The following MTUS2 variants were observed in gnomAD, a reference collection of about 807,000 sequenced individuals.
MTUS2 encodes the protein microtubule-associated tumor suppressor candidate 2.
In MTUS2, 40 loss-of-function variants were observed where a neutral mutation model predicts 114.1. That is an observed-to-expected ratio of 0.35 (90% CI 0.27 to 0.46). The LOEUF is 0.46. Among genes scored for constraint, MTUS2 ranks in the 20% least tolerant of loss-of-function variants. MTUS2 has a pLI of 1.00. For missense variants in MTUS2, 1,679 were observed against 1,705.4 expected (o/e 0.98, Z 0.27); for synonymous variants, 688 against 672.0 (o/e 1.02, Z -0.37).
chr13:28,937,617 A>T (rs1881979389), intron 2 of MTUS2, among the ~76,000 whole-genome samples: 1 of 152,108 alleles, frequency 6.6e-6, no homozygotes, highest in African/African-American at 2.4e-5. Flanking sequence ...ACAGTTTCAC[A>T]CCGCCTGATG....
chr13:28,935,613 G>A (rs1881862382), intron 2 of MTUS2, among the ~76,000 whole-genome samples: 1 of 152,146 alleles, frequency 6.6e-6, no homozygotes, highest in South Asian at 2.1e-4. Flanking sequence ...GGGATTATAT[G>A]CTGCTCCTGG....
chr13:29,200,521 G>GTTTTTTTT (rs56965083), intron 5 of MTUS2, among the ~76,000 whole-genome samples: 21,261 of 84,314 alleles, frequency 0.25, 4,789 homozygotes, highest in Non-Finnish European at 0.33. Context: ...TTCTTTTTCT[G>GTTTTTTTT]TTTTTTTTTT....
At chr13:29,388,376 G>C (rs1231907502) in intron 8 of MTUS2, among the ~76,000 whole-genome samples, 1 of 151,430 alleles carries the variant, frequency 6.6e-6, no homozygotes, top group Non-Finnish European at 1.5e-5. Context: ...ATCGAATGTA[G>C]CAACTTGAGT....
At chr13:29,361,541 A>C (rs1870253389) in intron 8 of MTUS2, among the ~76,000 whole-genome samples, 1 of 152,180 alleles carries the variant, frequency 6.6e-6, no homozygotes, top group Admixed American at 6.5e-5. Flanking sequence ...ATGTAGTTTA[A>C]GGTGATGGAT....
At chr13:28,822,950 A>G (rs1874009728) in intron 1 of MTUS2, among the ~76,000 whole-genome samples, 1 of 152,262 alleles carries the variant, frequency 6.6e-6, no homozygotes, top group African/African-American at 2.4e-5. Context: ...AATCAGGCAC[A>G]TACCTGGAGA....
At chr13:29,131,430 CT>C (rs1391104879) in intron 5 of MTUS2, among the ~76,000 whole-genome samples, 1 of 152,248 alleles carries the variant, frequency 6.6e-6, no homozygotes, top group Non-Finnish European at 1.5e-5. Context: ...GATGTTACCC[CT>C]GAGACAGCAG....
intron 10 of MTUS2, among the ~76,000 whole-genome samples, chr13:29,486,236 C>T (rs957335733): frequency 4.6e-5 from 7 of 152,154 alleles, no homozygotes; most frequent in Admixed American, 1.3e-4. Flanking sequence ...TCTCACACTG[C>T]GATGCAGCTT....
chr13:29,122,605 G>C (rs1450593768), intron 5 of MTUS2, among the ~76,000 whole-genome samples: 1 of 152,190 alleles, frequency 6.6e-6, no homozygotes, highest in African/African-American at 2.4e-5. Context: ...TGAGATTTGA[G>C]TGGGGATACA....
intron 5 of MTUS2, among the ~76,000 whole-genome samples, chr13:29,255,236 G>C (rs941451936): frequency 6.6e-6 from 1 of 152,138 alleles, no homozygotes; most frequent in African/African-American, 2.4e-5. Context: ...GAGACGGAAG[G>C]GTTCAGATAG....
intron 5 of MTUS2, among the ~76,000 whole-genome samples, chr13:29,151,966 T>C (rs1892678981): frequency 1.3e-5 from 2 of 152,190 alleles, no homozygotes; most frequent in South Asian, 4.1e-4. Flanking sequence ...GCATCTATGT[T>C]CATTGGATAT....
chr13:29,492,160 G>GT (rs1318669898), intron 11 of MTUS2, among the ~76,000 whole-genome samples: 1 of 2,424 alleles, frequency 4.1e-4, no homozygotes, highest in South Asian at 0.014. Flanking sequence ...ATGTGTGTGT[G>GT]GTGTGTATGT....
chr13:29,072,520 A>T (rs370976123), intron 4 of MTUS2, among the ~76,000 whole-genome samples: 8 of 152,244 alleles, frequency 5.3e-5, no homozygotes, highest in African/African-American at 1.7e-4. Context: ...AGGGCACTCC[A>T]TAGAAAAGAC....
In MTUS2 at chr13:28,833,273, G is replaced by A. The variant is rs77165315; in HGVS notation, c.-315-6505G>A. Among the ~76,000 whole-genome samples the A allele has an allele frequency of 6.7e-3, 1,017 of 152,136 alleles. 13 individuals are homozygous for A. The highest frequency in any genetic ancestry group is 0.066 in the East Asian group (345 of 5,190). On this transcript the variant is annotated intron_variant, in intron 1 of 15. Coordinates refer to ENST00000612955, the MANE Select transcript of MTUS2 (RefSeq NM_001033602.4). ...CCAAAGACATCACAAGAAAAGTATC[G>A]CTGTTATTCTGTATGAATACAGATA...
chr13:28,966,115 A>T (rs948125203), intron 2 of MTUS2, among the ~76,000 whole-genome samples: 1 of 152,242 alleles, frequency 6.6e-6, no homozygotes, highest in Non-Finnish European at 1.5e-5. Flanking sequence ...ATAATAGTGA[A>T]ATAAAGTAAT....
chr13:29,002,451 G>A (rs142922150), intron 2 of MTUS2, among the ~76,000 whole-genome samples: 1 of 152,210 alleles, frequency 6.6e-6, no homozygotes, highest in African/African-American at 2.4e-5. Flanking sequence ...AATTTATACA[G>A]AATTTGATTA....
At chr13:29,137,356 C>G (rs746312069) in intron 5 of MTUS2, among the ~76,000 whole-genome samples, 1 of 152,038 alleles carries the variant, frequency 6.6e-6, no homozygotes, top group Non-Finnish European at 1.5e-5. Context: ...CCGTGCTCAT[C>G]CTATCTCCCT....
intron 4 of MTUS2, among the ~76,000 whole-genome samples, chr13:29,091,932 A>G (rs753325019): frequency 7.2e-5 from 11 of 152,238 alleles, no homozygotes; most frequent in Non-Finnish European, 1.5e-4. Context: ...CCTGTTAACA[A>G]GCCAAAGCCT....
At chr13:29,070,991 T>G (rs1234199610) in intron 4 of MTUS2, among the ~76,000 whole-genome samples, 3 of 140,692 alleles carry the variant, frequency 2.1e-5, no homozygotes, top group Non-Finnish European at 3.1e-5. Context: ...TTTTTTTTTT[T>G]GGTTTTTGTT....
rs116502493 is a variant in MTUS2, at chr13:29,262,425, G to C, written c.2645-19279G>C. 2.2e-3 allele frequency among the ~76,000 whole-genome samples: 332 copies of C among 152,140 alleles called. 1 individual carries two copies. Among genetic ancestry groups the C allele is most frequent in the African/African-American group, 7.3e-3 (302 of 41,526 alleles). On this transcript the variant is annotated intron_variant, in intron 5 of 15. Coordinates refer to ENST00000612955, the MANE Select transcript of MTUS2 (RefSeq NM_001033602.4). ...TCCCCTGTTTCCTGAAAAGAAATAA[G>C]AAAGATGACTCTTTTTGTCATATAT...
Sources: gnomAD v4.1 joint callset for allele counts (sites outside exome capture counted in the v4.1 genomes callset) on GRCh38, gnomAD v4.1.1 for gene constraint, MANE v1.5 for transcripts, NCBI Gene and HGNC (gene_info 2026-07-23, HGNC 2026-07-21) for gene names.